Variants in GPC6 observed in about 807,000 individuals in gnomAD.
The protein encoded by GPC6 is glypican-6.
In GPC6, 14 loss-of-function variants were observed where a neutral mutation model predicts 55.2. The observed-to-expected ratio is 0.25, with a 90% CI of 0.17 to 0.40. The LOEUF is 0.40. GPC6 is among the 10% of genes least tolerant of loss of function. The pLI is 1.00. For missense variants in GPC6, 641 were observed against 708.5 expected (o/e 0.90, Z 1.08); for synonymous variants, 278 against 259.6 (o/e 1.07, Z -0.68).
intron 2 of GPC6, among the ~76,000 whole-genome samples, chr13:93,812,420 ACACTAGCC>A (rs1886726311): frequency 6.6e-6 from 1 of 152,028 alleles, no homozygotes; most frequent in Admixed American, 6.6e-5. Flanking sequence ...TGATAATTAC[ACACTAGCC>A]CACATATAGG....
chr13:93,611,523 T>A (rs1878460488), intron 2 of GPC6, among the ~76,000 whole-genome samples: 1 of 152,178 alleles, frequency 6.6e-6, no homozygotes, highest in Non-Finnish European at 1.5e-5. Context: ...GGGACATTTT[T>A]AAATGTTTTT....
At chr13:94,020,577 T>C (rs1258023835) in intron 3 of GPC6, among the ~76,000 whole-genome samples, 3 of 152,182 alleles carry the variant, frequency 2.0e-5, no homozygotes, top group Admixed American at 2.0e-4. Flanking sequence ...TTGTGTGACA[T>C]CACTCATCTT....
At chr13:93,406,439 C>T (rs1354242705) in intron 1 of GPC6, among the ~76,000 whole-genome samples, 2 of 152,098 alleles carry the variant, frequency 1.3e-5, no homozygotes, top group South Asian at 2.1e-4. Flanking sequence ...TCTTTTCTGT[C>T]CCCATTAGTC....
intron 4 of GPC6, among the ~76,000 whole-genome samples, chr13:94,167,402 A>G (rs1407106711): frequency 1.3e-5 from 2 of 152,180 alleles, no homozygotes; most frequent in African/African-American, 4.8e-5. Flanking sequence ...GGACGAGAAG[A>G]TTCTTCAAAA....
At chr13:93,666,521 T>C (rs73543578) in intron 2 of GPC6, among the ~76,000 whole-genome samples, 1,730 of 152,280 alleles carry the variant, frequency 0.011, 28 homozygotes, top group African/African-American at 0.04. Flanking sequence ...TGTTGTAATA[T>C]ATATAAAGCA....
chr13:93,814,683 A>G (rs977646114), intron 2 of GPC6, among the ~76,000 whole-genome samples: 1 of 152,228 alleles, frequency 6.6e-6, no homozygotes, highest in Non-Finnish European at 1.5e-5. Flanking sequence ...CAAGTGACCC[A>G]TGAACAAAAG....
rs150291309 is a variant in GPC6 at position 93,698,861 on chromosome 13, C to T, written c.320-131293C>T. On this transcript the variant is annotated intron_variant, in intron 2 of 8. Transcript: ENST00000377047. Reference sequence around the variant, plus strand: ...TTTCTCTCAATGCAATTTTGGAGTTCGTGATTATATATCTTGACTTGTAAT... The same window carrying T: ...TTTCTCTCAATGCAATTTTGGAGTTTGTGATTATATATCTTGACTTGTAAT... Among the ~76,000 whole-genome samples, 253 of 151,784 alleles carry T rather than the reference C, an allele frequency of 1.7e-3. 2 individuals are homozygous for T. The highest frequency in any genetic ancestry group is 5.6e-3 in the African/African-American group (230 of 41,418).
intron 2 of GPC6, among the ~76,000 whole-genome samples, chr13:93,772,675 C>T (rs1403683852): frequency 6.6e-6 from 1 of 152,066 alleles, no homozygotes; most frequent in African/African-American, 2.4e-5. Context: ...TGGAAGGATG[C>T]TGTCCTGATA....
chr13:93,875,522 A>G (rs1363418442), intron 3 of GPC6, among the ~76,000 whole-genome samples: 3 of 152,056 alleles, frequency 2.0e-5, no homozygotes, highest in Admixed American at 2.0e-4. Flanking sequence ...TGCTTTAATT[A>G]CCATCCATAC....
At chr13:94,125,430 T>A (rs1886774413) in intron 4 of GPC6, among the ~76,000 whole-genome samples, 1 of 152,120 alleles carries the variant, frequency 6.6e-6, no homozygotes, top group Admixed American at 6.6e-5. Context: ...TCTATCTATA[T>A]CATGATATGT....
intron 8 of GPC6, among the ~76,000 whole-genome samples, chr13:94,401,939 T>C (rs1881149716): frequency 6.6e-6 from 1 of 150,456 alleles, no homozygotes; most frequent in African/African-American, 2.5e-5. Flanking sequence ...GATTGATTGA[T>C]TGATTGATAG....
At chr13:94,375,382 C>T (rs1307759090) in intron 6 of GPC6, among the ~76,000 whole-genome samples, 1 of 152,152 alleles carries the variant, frequency 6.6e-6, no homozygotes, top group African/African-American at 2.4e-5. Flanking sequence ...ACCGATCCCA[C>T]AGAAATACAA....
intron 1 of GPC6, among the ~76,000 whole-genome samples, chr13:93,393,283 C>T (rs1336101121): frequency 2.6e-5 from 4 of 151,648 alleles, no homozygotes; most frequent in Non-Finnish European, 4.4e-5. Context: ...GAATTACACG[C>T]GCCCACCACC....
intron 2 of GPC6, among the ~76,000 whole-genome samples, chr13:93,624,645 G>A (rs1879120482): frequency 6.6e-6 from 1 of 152,186 alleles, no homozygotes; most frequent in Non-Finnish European, 1.5e-5. Context: ...TCACACTCAT[G>A]TAAAAAATAA....
At chr13:94,241,383 A>G (rs1375003137) in intron 4 of GPC6, among the ~76,000 whole-genome samples, 1 of 152,162 alleles carries the variant, frequency 6.6e-6, no homozygotes, top group Non-Finnish European at 1.5e-5. Flanking sequence ...ATTGGATTGC[A>G]TGGCTTTCTG....
intron 3 of GPC6, among the ~76,000 whole-genome samples, chr13:93,897,410 T>C (rs1334074228): frequency 6.6e-6 from 1 of 152,108 alleles, no homozygotes; most frequent in African/African-American, 2.4e-5. Flanking sequence ...GATTTGATTA[T>C]GTGAATGTAT....
intron 4 of GPC6, among the ~76,000 whole-genome samples, chr13:94,182,329 T>A (rs1889026856): frequency 6.6e-6 from 1 of 152,196 alleles, no homozygotes; most frequent in African/African-American, 2.4e-5. Context: ...ACTGTTTTCC[T>A]GGGGCAGGTC....
At chr13:93,285,481 C>T (rs747927385) in intron 1 of GPC6, among the ~76,000 whole-genome samples, 4 of 152,104 alleles carry the variant, frequency 2.6e-5, no homozygotes, top group African/African-American at 7.2e-5. Context: ...GTCAATTAGA[C>T]TACAAATCAT....
chr13:94,099,654 A>C (rs2138823625), intron 4 of GPC6, among the ~76,000 whole-genome samples: 1 of 152,264 alleles, frequency 6.6e-6, no homozygotes, highest in African/African-American at 2.4e-5. Context: ...TCTATTATAA[A>C]AGTTTGCTAT....
Sources: allele counts gnomAD v4.1 joint callset (sites outside exome capture counted in the v4.1 genomes callset), GRCh38; gene constraint gnomAD v4.1.1; transcripts MANE v1.5; gene names NCBI Gene and HGNC (gene_info 2026-07-23, HGNC 2026-07-21).